The following LRMDA variants were observed in gnomAD, a reference collection of about 807,000 sequenced individuals.
LRMDA encodes the protein leucine-rich melanocyte differentiation-associated protein.
A neutral mutation model predicts 29.8 loss-of-function variants in LRMDA; 18 were observed. That is an observed-to-expected ratio of 0.60 (90% CI 0.42 to 0.90). LRMDA has a LOEUF of 0.90. Ranked by LOEUF, LRMDA falls within the 40% of genes least tolerant of loss-of-function variation. The probability of loss-of-function intolerance (pLI) is 0.00; values close to 1 mark genes in which losing one functional copy is unlikely to be tolerated. For synonymous variants in LRMDA, 125 were observed against 109.4 expected (o/e 1.14, Z -0.89); for missense variants, 273 against 273.9 (o/e 1.00, Z 0.02).
intron 2 of LRMDA, among the ~76,000 whole-genome samples, chr10:76,028,302 G>T (rs1848094278): frequency 6.6e-6 from 1 of 152,062 alleles, no homozygotes; most frequent in South Asian, 2.1e-4. Context: ...TCATTTTTCT[G>T]TTAGGGCTTC....
intron 3 of LRMDA, among the ~76,000 whole-genome samples, chr10:76,040,197 A>C (rs772282740): frequency 1.3e-5 from 2 of 152,184 alleles, no homozygotes; most frequent in Non-Finnish European, 2.9e-5. Context: ...GCCAAGATAC[A>C]GGAGGAGTCA....
intron 2 of LRMDA, among the ~76,000 whole-genome samples, chr10:75,483,548 C>T (rs1321657659): frequency 2.0e-5 from 3 of 152,150 alleles, no homozygotes; most frequent in Admixed American, 6.5e-5. Context: ...CCTTTATTTT[C>T]TGCACCAATA....
intron 2 of LRMDA, among the ~76,000 whole-genome samples, chr10:75,480,840 A>C (rs1844848380): frequency 1.3e-5 from 2 of 152,054 alleles, no homozygotes; most frequent in African/African-American, 4.8e-5. Context: ...GTGGAAGGAG[A>C]GTAGATGAAC....
intron 2 of LRMDA, among the ~76,000 whole-genome samples, chr10:75,683,889 T>C (rs1363232743): frequency 6.6e-6 from 1 of 152,220 alleles, no homozygotes; most frequent in Non-Finnish European, 1.5e-5. Context: ...CAGAGCTGCC[T>C]CTGACTAGGT....
At chr10:76,240,249 C>G (rs1401107559) in intron 5 of LRMDA, among the ~76,000 whole-genome samples, 2 of 150,740 alleles carry the variant, frequency 1.3e-5, no homozygotes, top group Admixed American at 1.3e-4. Context: ...TACTACTTAA[C>G]TATAAAAAGG....
In LRMDA at chr10:76,154,788, C is replaced by A. The variant is rs112284395; in HGVS notation, c.516+96005C>A. On this transcript the variant is annotated intron_variant, in intron 5 of 6. Transcript: ENST00000611255. ...TGGCATGGTCCGGACATTAGCAAGG[C>A]GGGACTTGTGCAGTGGCTCCATTGT... is the stretch of plus-strand genomic sequence containing the variant. Among the ~76,000 whole-genome samples the A allele has an allele frequency of 1.0e-2, 1,519 of 152,224 alleles. 31 individuals are homozygous for A. The highest frequency in any genetic ancestry group is 0.035 in the African/African-American group (1,449 of 41,548).
intron 2 of LRMDA, among the ~76,000 whole-genome samples, chr10:75,531,276 C>T (rs1041222938): frequency 9.2e-5 from 14 of 151,922 alleles, no homozygotes; most frequent in African/African-American, 1.2e-4. Flanking sequence ...GTCAGGTGGT[C>T]GAGGAGAACT....
intron 5 of LRMDA, among the ~76,000 whole-genome samples, chr10:76,089,412 A>G (rs1849192223): frequency 6.6e-6 from 1 of 152,270 alleles, no homozygotes; most frequent in African/African-American, 2.4e-5. Context: ...AAGACATTTT[A>G]TAATAAAACA....
intron 6 of LRMDA, among the ~76,000 whole-genome samples, chr10:76,349,054 C>G (rs1841143312): frequency 6.6e-6 from 1 of 152,122 alleles, no homozygotes; most frequent in Non-Finnish European, 1.5e-5. Flanking sequence ...AAATAACTCC[C>G]AGGTTTTTCT....
At chr10:75,600,018 A>G (rs543345634) in intron 2 of LRMDA, among the ~76,000 whole-genome samples, 1 of 152,358 alleles carries the variant, frequency 6.6e-6, no homozygotes, top group East Asian at 1.9e-4. Context: ...AGCAAGAATA[A>G]GTATAACCCA....
intron 2 of LRMDA, among the ~76,000 whole-genome samples, chr10:75,916,350 C>G (rs1845934497): frequency 6.6e-6 from 1 of 152,122 alleles, no homozygotes; most frequent in Non-Finnish European, 1.5e-5. Context: ...GCACACATGG[C>G]TATTGCTGGC....
chr10:75,502,536 C>A (rs1179255046), intron 2 of LRMDA, among the ~76,000 whole-genome samples: 1 of 151,872 alleles, frequency 6.6e-6, no homozygotes, highest in Non-Finnish European at 1.5e-5. Flanking sequence ...ACCAGTGTTT[C>A]TTTGGGAAGA....
chr10:75,674,230 G>T lies in LRMDA; in HGVS notation c.131+235736G>T, dbSNP rs1329514162. Reference sequence around the variant, plus strand: ...TTCATTTGATTAAGCCATTAGAAAAGATTAGAGGTGTCTTTAGTTCTGGGG... The same window carrying T: ...TTCATTTGATTAAGCCATTAGAAAATATTAGAGGTGTCTTTAGTTCTGGGG... On this transcript the variant is annotated intron_variant, in intron 2 of 6. Coordinates refer to ENST00000611255, the MANE Select transcript of LRMDA (RefSeq NM_001305581.2). Among the ~76,000 whole-genome samples, 3 of 152,302 alleles carry T rather than the reference G, an allele frequency of 2.0e-5. No homozygotes were observed. In the East Asian group the frequency reaches 5.8e-4, roughly 29 times the overall value.
At chr10:76,425,323 G>A (rs1842112545) in intron 6 of LRMDA, among the ~76,000 whole-genome samples, 1 of 152,068 alleles carries the variant, frequency 6.6e-6, no homozygotes, top group South Asian at 2.1e-4. Flanking sequence ...TATTAAATAA[G>A]AGAGAATTTA....
intron 2 of LRMDA, among the ~76,000 whole-genome samples, chr10:75,637,556 A>G (rs1232175877): frequency 1.3e-5 from 2 of 152,180 alleles, no homozygotes; most frequent in Non-Finnish European, 2.9e-5. Context: ...TGTAGCATGT[A>G]GTGTGTAGCT....
chr10:76,215,943 G>A (rs1351684656), intron 5 of LRMDA, among the ~76,000 whole-genome samples: 1 of 152,170 alleles, frequency 6.6e-6, no homozygotes, highest in Non-Finnish European at 1.5e-5. Context: ...AATTTAAAAT[G>A]TACAAACAGC....
Position 75,637,155 on chromosome 10 carries a change from G to A in LRMDA, c.131+198661G>A, listed in dbSNP as rs564870465. 5.3e-5 allele frequency among the ~76,000 whole-genome samples: 8 copies of A among 152,312 alleles called. No individual in the cohort carries two copies. The South Asian group carries it at 1.7e-3, about 32-fold the overall frequency. ...GACTTTGAAGCTTGTAAGGTTAACT[G>A]ATAGACGCTACAGTTTCTCTTTTGG... On this transcript the variant is annotated intron_variant, in intron 2 of 6. Transcript: ENST00000611255.
At chr10:75,656,130 T>C (rs1027275605) in intron 2 of LRMDA, among the ~76,000 whole-genome samples, 4 of 152,244 alleles carry the variant, frequency 2.6e-5, no homozygotes, top group African/African-American at 7.2e-5. Flanking sequence ...ATTCCCATAG[T>C]AGTTTTTTGA....
At chr10:76,114,619 A>G (rs373208162) in intron 5 of LRMDA, among the ~76,000 whole-genome samples, 3 of 152,184 alleles carry the variant, frequency 2.0e-5, no homozygotes, top group East Asian at 3.9e-4. Flanking sequence ...TTACATAGGT[A>G]GGAGAGTCCC....
Sources: gnomAD v4.1 joint callset for allele counts (sites outside exome capture counted in the v4.1 genomes callset) on GRCh38, gnomAD v4.1.1 for gene constraint, MANE v1.5 for transcripts, NCBI Gene and HGNC (gene_info 2026-07-23, HGNC 2026-07-21) for gene names.